EXOC2: variants seen among roughly 807,000 people sequenced by gnomAD.
EXOC2 encodes the protein SEC5-like 1.
EXOC2 carries 70 observed loss-of-function variants against 131.8 expected under a neutral mutation model. The observed-to-expected ratio is 0.53, with a 90% confidence interval of 0.44 to 0.65. The LOEUF (loss-of-function observed/expected upper bound fraction) is 0.65, where lower values mean the gene tolerates loss of function less well. Ranked by LOEUF, EXOC2 falls within the 30% of genes least tolerant of loss-of-function variation. The pLI, the probability that EXOC2 is intolerant of heterozygous loss-of-function variation, is 0.00. For synonymous variants in EXOC2, 411 were observed against 398.4 expected (o/e 1.03, Z -0.38); for missense variants, 923 against 1,108.6 (o/e 0.83, Z 2.38).
chr6:566,076 T>C (rs1757949946), intron 13 of EXOC2, among the ~76,000 whole-genome samples: 1 of 152,186 alleles, frequency 6.6e-6, no homozygotes, highest in Admixed American at 6.5e-5. Context: ...TTTTTCTTTG[T>C]AGAAATATGT....
chr6:659,119 T>C (rs1272773075), intron 1 of EXOC2, among the ~76,000 whole-genome samples: 3 of 152,240 alleles, frequency 2.0e-5, no homozygotes, highest in Admixed American at 6.5e-5. Context: ...CATTTTTCAA[T>C]TGACCTTTTA....
At chr6:493,513 C>T (rs1316487554) in intron 25 of EXOC2, among the ~76,000 whole-genome samples, 1 of 152,120 alleles carries the variant, frequency 6.6e-6, no homozygotes, top group Non-Finnish European at 1.5e-5. Flanking sequence ...TAAGTTATGC[C>T]AATTATAAAA....
intron 23 of EXOC2, among the ~76,000 whole-genome samples, chr6:503,465 T>G (rs1561790763): frequency 6.6e-6 from 1 of 152,228 alleles, no homozygotes; most frequent in Non-Finnish European, 1.5e-5. Context: ...TTTACCCTGA[T>G]GTGGTATTTA....
intron 23 of EXOC2, among the ~76,000 whole-genome samples, chr6:502,809 A>C (rs1449318615): frequency 6.6e-6 from 1 of 152,240 alleles, no homozygotes; most frequent in Non-Finnish European, 1.5e-5. Flanking sequence ...GAATGAAAAA[A>C]AGGAAATAAT....
In EXOC2 at chr6:666,421, C is replaced by T. The variant is rs565668399; in HGVS notation, c.-44+26598G>A. 3.9e-4 allele frequency among the ~76,000 whole-genome samples: 39 copies of T among 100,692 alleles called. 16 individuals carry two copies. Among genetic ancestry groups the T allele is most frequent in the Non-Finnish European group, 4.8e-5 (2 of 41,866 alleles). 66.1% of individuals were successfully genotyped at this position (100,692 alleles called of 152,430 possible). ...ATGTTTACAACAGGAATTTCAAAAA[C>T]TGGTCAGCATCCCTTCCAGAAAATT... On this transcript the variant is annotated intron_variant, in intron 1 of 27. Coordinates refer to ENST00000230449, the MANE Select transcript of EXOC2 (RefSeq NM_018303.6).
chr6:640,726 G>C (rs547011925), intron 1 of EXOC2, among the ~76,000 whole-genome samples: 7 of 152,214 alleles, frequency 4.6e-5, no homozygotes, highest in African/African-American at 1.7e-4. Flanking sequence ...GCCTAAAACA[G>C]ATCATTCCTC....
At position 495,946 on chromosome 6, in the gene EXOC2, T is replaced by G. The variant is rs557979737; in HGVS notation, c.2559+1421A>C. 2.6e-5 allele frequency among the ~76,000 whole-genome samples: 4 copies of G among 152,344 alleles called. No individual in the cohort carries two copies. The East Asian group carries it at 7.7e-4, about 29-fold the overall frequency. On this transcript the variant is annotated intron_variant, in intron 25 of 27. Transcript: ENST00000230449. ...GTTGTTCATACTGGATAATTTCTATTGGTTTACAAGTTAACTGACTTTTTA... is the reference window on the plus strand; with the variant it reads ...GTTGTTCATACTGGATAATTTCTATGGGTTTACAAGTTAACTGACTTTTTA...
At chr6:594,259 T>A (rs3823135) in intron 10 of EXOC2, among the ~76,000 whole-genome samples, 14,193 of 152,212 alleles carry the variant, frequency 0.093, 1,168 homozygotes, top group African/African-American at 0.22. Context: ...AGTCTGATTC[T>A]TTCTCTCACA....
chr6:587,401 T>G (rs1759269016), intron 11 of EXOC2, among the ~76,000 whole-genome samples: 1 of 152,108 alleles, frequency 6.6e-6, no homozygotes, highest in African/African-American at 2.4e-5. Flanking sequence ...AATGCCACCA[T>G]GTCCGGCTAA....
intron 6 of EXOC2, 150 bp from the exon 7 acceptor site, chr6:610,328 CCAG>C (rs140829717): frequency 0.041 from 26,092 of 641,296 alleles, 720 homozygotes; most frequent in Non-Finnish European, 0.054. Context: ...TACAAGGTAC[CCAG>C]CAGACACCAG....
At chr6:489,120 G>A (rs1763270356) in intron 26 of EXOC2, 82 bp from the exon 27 acceptor site, 2 of 1,313,034 alleles carry the variant, frequency 1.5e-6, no homozygotes, top group Admixed American at 2.0e-5. Context: ...CTTAATTATT[G>A]AGAAGCCAAT....
chr6:594,500 T>G (rs3799312), intron 10 of EXOC2, among the ~76,000 whole-genome samples: 90,020 of 152,010 alleles, frequency 0.59, 26,891 homozygotes, highest in Middle Eastern at 0.7. Context: ...GATACTCTTT[T>G]AGGGACGGTG....
intron 1 of EXOC2, chr6:657,392 C>A (rs1763183064): frequency 6.5e-6 from 1 of 153,892 alleles, no homozygotes; most frequent in South Asian, 2.1e-4. Flanking sequence ...GCATACCAGG[C>A]ATACATTTTA....
chr6:501,161 ATATAT>A (rs1301424836), intron 23 of EXOC2, among the ~76,000 whole-genome samples: 1 of 44,404 alleles, frequency 2.3e-5, no homozygotes, highest in Non-Finnish European at 4.1e-5. Context: ...ATATATCTAT[ATATAT>A]TATATATATC....
At chr6:660,002 G>C (rs370536618) in intron 1 of EXOC2, among the ~76,000 whole-genome samples, 2 of 151,310 alleles carry the variant, frequency 1.3e-5, no homozygotes, top group African/African-American at 2.4e-5. Flanking sequence ...TGTTGGGGGG[G>C]GGACACGGGG....
At chr6:666,283 G>A (rs979509389) in intron 1 of EXOC2, among the ~76,000 whole-genome samples, 1 of 152,138 alleles carries the variant, frequency 6.6e-6, no homozygotes, top group Non-Finnish European at 1.5e-5. Flanking sequence ...ATATTGACTG[G>A]AATATATCAA....
At chr6:655,717 C>T (rs1174068964) in intron 1 of EXOC2, among the ~76,000 whole-genome samples, 1 of 152,136 alleles carries the variant, frequency 6.6e-6, no homozygotes, top group Non-Finnish European at 1.5e-5. Flanking sequence ...GAAATGCCCT[C>T]GGAAAACATT....
intron 1 of EXOC2, among the ~76,000 whole-genome samples, chr6:674,573 T>C (rs925235506): frequency 6.6e-6 from 1 of 152,130 alleles, no homozygotes; most frequent in African/African-American, 2.4e-5. Flanking sequence ...TTGTAAAGGC[T>C]TTTTCTCATA....
rs1763664269 is a variant in EXOC2, at chr6:667,212, T to C, written c.-44+25807A>G. Among the ~76,000 whole-genome samples the C allele has an allele frequency of 3.3e-5, 2 of 60,054 alleles. 1 individual carries two copies. Among genetic ancestry groups the C allele is most frequent in the African/African-American group, 8.7e-5 (2 of 22,864 alleles). 39.4% of individuals were successfully genotyped at this position (60,054 alleles called of 152,430 possible). A position where few individuals can be genotyped will look rare whatever the true frequency, so the allele number is the denominator to read the frequency against. ...AGATCTGAGTTTCTAATCTACATCATTATCACTGTTGTTTTTTGATGAATA... is the reference window on the plus strand; with the variant it reads ...AGATCTGAGTTTCTAATCTACATCACTATCACTGTTGTTTTTTGATGAATA... On this transcript the variant is annotated intron_variant, in intron 1 of 27. Transcript: ENST00000230449.
Sources: gnomAD v4.1 joint callset for allele counts (sites outside exome capture counted in the v4.1 genomes callset) on GRCh38, gnomAD v4.1.1 for gene constraint, MANE v1.5 for transcripts, NCBI Gene and HGNC (gene_info 2026-07-23, HGNC 2026-07-21) for gene names.